Variants in ASNS observed in about 807,000 individuals in gnomAD.
The protein encoded by ASNS is asparagine synthetase [glutamine-hydrolyzing].
A neutral mutation model predicts 62.6 loss-of-function variants in ASNS; 37 were observed. The observed-to-expected ratio is 0.59, with a 90% CI of 0.45 to 0.78. The LOEUF is 0.78. ASNS is among the 30% of genes least tolerant of loss of function. The probability of loss-of-function intolerance (pLI) is 0.00; values close to 1 mark genes in which losing one functional copy is unlikely to be tolerated. For missense variants in ASNS, 520 were observed against 682.4 expected (o/e 0.76, Z 2.65); for synonymous variants, 207 against 237.9 (o/e 0.87, Z 1.19).
intron 7 of ASNS, among the ~76,000 whole-genome samples, chr7:97,857,634 A>T (rs1243491610): frequency 6.6e-6 from 1 of 150,736 alleles, no homozygotes; most frequent in Non-Finnish European, 1.5e-5. Context: ...AAAAAAAAAA[A>T]AAACGAACAA....
the ASNS span, among the ~76,000 whole-genome samples, chr7:97,911,967 T>C: frequency 6.6e-6 from 1 of 152,186 alleles, no homozygotes; most frequent in Non-Finnish European, 1.5e-5. Context: ...TAGAATCACC[T>C]GAGAGCTTTT....
chr7:97,874,391 C>T (rs1247563921), upstream of ASNS, among the ~76,000 whole-genome samples: 4 of 152,112 alleles, frequency 2.6e-5, no homozygotes, highest in Admixed American at 6.5e-5. Context: ...GTGTACTTAA[C>T]GCAATTATTA....
chr7:97,928,329 G>C, the ASNS span: 1 of 1,295,440 alleles, frequency 7.7e-7, no homozygotes, highest in Non-Finnish European at 1.1e-6. Context: ...TGCATTTGGG[G>C]AAGAAGGACC....
At chr7:97,895,043 C>A in the ASNS span, among the ~76,000 whole-genome samples, 3 of 152,130 alleles carry the variant, frequency 2.0e-5, no homozygotes, top group Non-Finnish European at 2.9e-5. Context: ...GGGATTTATC[C>A]CAGGAATGCA....
chr7:97,896,731 C>T, the ASNS span, among the ~76,000 whole-genome samples: 18 of 27,864 alleles, frequency 6.5e-4, no homozygotes, highest in East Asian at 1.4e-3. Flanking sequence ...CACACACACA[C>T]ACACACACAC....
chr7:97,861,279 T>C (rs1791706584), intron 4 of ASNS, among the ~76,000 whole-genome samples: 1 of 152,206 alleles, frequency 6.6e-6, no homozygotes, highest in South Asian at 2.1e-4. Context: ...CCCAAAGTGC[T>C]GGGATTACAG....
the ASNS span, among the ~76,000 whole-genome samples, chr7:97,923,667 C>T: frequency 6.6e-6 from 1 of 152,236 alleles, no homozygotes; most frequent in East Asian, 1.9e-4. Flanking sequence ...GCCCCAGACC[C>T]ATCTGTCCTG....
the ASNS span, among the ~76,000 whole-genome samples, chr7:97,909,911 C>T: frequency 6.6e-6 from 1 of 152,068 alleles, no homozygotes; most frequent in Non-Finnish European, 1.5e-5. Flanking sequence ...CTTACCAACA[C>T]ACACTGGCCT....
chr7:97,900,360 C>CAAAAA, the ASNS span, among the ~76,000 whole-genome samples: 42 of 89,330 alleles, frequency 4.7e-4, 3 homozygotes, highest in African/African-American at 1.8e-3. Flanking sequence ...GACTTTGTCT[C>CAAAAA]AAAAAAAAAA....
the ASNS span, among the ~76,000 whole-genome samples, chr7:97,882,520 C>G: frequency 6.6e-6 from 1 of 150,664 alleles, no homozygotes; most frequent in Admixed American, 6.6e-5. Context: ...TGCACTCCAG[C>G]CTGGAGACAG....
chr7:97,865,600 T>C (rs1010458270), intron 3 of ASNS, among the ~76,000 whole-genome samples: 3 of 152,220 alleles, frequency 2.0e-5, no homozygotes, highest in African/African-American at 7.2e-5. Flanking sequence ...CATCTATACC[T>C]TTATACTACA....
At chr7:97,881,960 A>G in the ASNS span, among the ~76,000 whole-genome samples, 34 of 147,840 alleles carry the variant, frequency 2.3e-4, no homozygotes, top group Admixed American at 4.8e-4. Context: ...AACCGATAAC[A>G]CCTGCCTCAG....
At chr7:97,870,966 G>A (rs1225108151) in intron 1 of ASNS, among the ~76,000 whole-genome samples, 3 of 152,096 alleles carry the variant, frequency 2.0e-5, no homozygotes, top group Non-Finnish European at 4.4e-5. Context: ...AGTCTTATAG[G>A]AGGGCAAAGT....
At chr7:97,903,463 T>A in the ASNS span, among the ~76,000 whole-genome samples, 7 of 152,036 alleles carry the variant, frequency 4.6e-5, no homozygotes, top group African/African-American at 1.7e-4. Context: ...GATACACACA[T>A]CCGGAGACCA....
At chr7:97,898,729 A>G in the ASNS span, 2 of 650,538 alleles carry the variant, frequency 3.1e-6, no homozygotes, top group Non-Finnish European at 5.6e-6. Context: ...AGAAGTAACC[A>G]TCGGTAGTCT....
chr7:97,923,033 G>A, the ASNS span, among the ~76,000 whole-genome samples: 6 of 152,054 alleles, frequency 3.9e-5, no homozygotes, highest in South Asian at 2.1e-4. Flanking sequence ...TAGGTGATCC[G>A]CCAGCCTCGA....
At chr7:97,923,018 G>A in the ASNS span, among the ~76,000 whole-genome samples, 1 of 152,092 alleles carries the variant, frequency 6.6e-6, no homozygotes, top group African/African-American at 2.4e-5. Context: ...TCGAACTCCT[G>A]ACCTTAGGTG....
the ASNS span, among the ~76,000 whole-genome samples, chr7:97,909,720 GAC>G: frequency 3.3e-5 from 5 of 152,120 alleles, no homozygotes; most frequent in African/African-American, 1.2e-4. Flanking sequence ...AACTGAGGGT[GAC>G]ACAGAAACAT....
chr7:97,899,733 C>A, the ASNS span, among the ~76,000 whole-genome samples: 3 of 152,208 alleles, frequency 2.0e-5, no homozygotes, highest in Non-Finnish European at 4.4e-5. Flanking sequence ...CACGCTGTAG[C>A]GTATGTACTT....
Sources: gnomAD v4.1 joint callset for allele counts (sites outside exome capture counted in the v4.1 genomes callset) on GRCh38, gnomAD v4.1.1 for gene constraint, MANE v1.5 for transcripts, NCBI Gene and HGNC (gene_info 2026-07-23, HGNC 2026-07-21) for gene names.